SLC6A18: variants seen among roughly 807,000 people sequenced by gnomAD.
SLC6A18 encodes solute carrier family 6 member 18.
A neutral mutation model predicts 62.9 loss-of-function variants in SLC6A18; 58 were observed. That is an observed-to-expected ratio of 0.92 (90% confidence interval 0.75 to 1.15). The LOEUF (loss-of-function observed/expected upper bound fraction) is 1.15. SLC6A18 is among the 50% of genes most tolerant of loss of function. The pLI, the probability that SLC6A18 is intolerant of heterozygous loss-of-function variation, is 0.00. For synonymous variants in SLC6A18, 382 were observed against 365.8 expected (o/e 1.04, Z -0.51); for missense variants, 793 against 836.6 (o/e 0.95, Z 0.64).
At chr5:1,234,101 CTTGAACCCT>C (rs1039638867) in intron 3 of SLC6A18, among the ~76,000 whole-genome samples, 34 of 152,138 alleles carry the variant, frequency 2.2e-4, no homozygotes, top group African/African-American at 8.0e-4. Flanking sequence ...CCAGGATGAT[CTTGAACCCT>C]TGGGTTCAAG....
rs777309236 is a variant in SLC6A18 at position 1,246,048 on chromosome 5, G to A, written c.1857G>A (p.Thr619=). ...CGGACACGGACACGCGCCCAGACAC[G>A]GACATGCGCCCGGACACGGACATGC... The part of the protein sequence containing the change: ...MRPDTDTRPD[T]DMRPDTDMR Residue 619 remains threonine (T), a synonymous_variant, in exon 12 of 12, where the codon ACG becomes ACA. Coordinates refer to ENST00000324642, the MANE Select transcript of SLC6A18 (RefSeq NM_182632.3). The A allele has an allele frequency of 3.8e-6, 6 of 1,590,038 alleles. No homozygotes were observed. The highest frequency in any genetic ancestry group is 1.4e-5 in the African/African-American group (1 of 73,868).
intron 3 of SLC6A18, among the ~76,000 whole-genome samples, chr5:1,233,893 C>T (rs371502418): frequency 1.7e-4 from 26 of 152,224 alleles, no homozygotes; most frequent in Admixed American, 3.3e-4. Flanking sequence ...AGGCGCCTGC[C>T]ACCAGGCCTG....
At chr5:1,240,793 G>A (rs1747036430) in intron 7 of SLC6A18, 134 bp downstream of exon 7, 1 of 1,261,278 alleles carries the variant, frequency 7.9e-7, no homozygotes, top group Admixed American at 2.5e-5. Flanking sequence ...AGTGAATGGT[G>A]TCCCCAGAAG....
At chr5:1,236,056 C>T (rs1468515711) in intron 4 of SLC6A18, among the ~76,000 whole-genome samples, 3 of 152,152 alleles carry the variant, frequency 2.0e-5, no homozygotes, top group Non-Finnish European at 2.9e-5. Context: ...GTGTTTAGAG[C>T]ATTTACATTT....
Position 1,232,772 on chromosome 5 carries a change from C to G in SLC6A18, c.323C>G (p.Ser108Cys), listed in dbSNP as rs750452883. The G allele has an allele frequency of 1.2e-6, 2 of 1,613,288 alleles. No individual in the cohort carries two copies. The highest frequency in any genetic ancestry group is 1.3e-5 in the African/African-American group (1 of 74,948). ...SGVGLGCVTL[S>C]FLISLYYNTI... is the part of the protein sequence containing the mutation. ...ACAGGGCTGGGCTGTGTCACGCTGTCCTTCCTGATCAGCCTGTACTACAAC... is the reference window on the plus strand; with the variant it reads ...ACAGGGCTGGGCTGTGTCACGCTGTGCTTCCTGATCAGCCTGTACTACAAC... Residue 108 changes from serine (S) to cysteine (C), a missense_variant, in exon 3 of 12, where the codon TCC becomes TGC. By Grantham distance (112) the Ser-to-Cys change is moderately radical (BLOSUM62 -1). Coordinates refer to ENST00000324642, the MANE Select transcript of SLC6A18 (RefSeq NM_182632.3).
intron 1 of SLC6A18, among the ~76,000 whole-genome samples, chr5:1,227,116 ACGCCTTGCCCG>A (rs1561173468): frequency 7.4e-6 from 1 of 136,054 alleles, no homozygotes; most frequent in Non-Finnish European, 1.6e-5. Flanking sequence ...TTGCCCGCCG[ACGCCTTGCCCG>A]TCGATGCCTT....
chr5:1,243,665 G>A lies in SLC6A18; in HGVS notation c.1242G>A (p.Gly414=). ...TCTTCGGGATGCTGTTCACCTTGGG[G>A]CTATCGACCATGTTCGGGACCGTGG... ...MLFFGMLFTL[G]LSTMFGTVEA... is the part of the protein sequence containing the mutation. Residue 414 remains glycine (G), a synonymous_variant, in exon 9 of 12, where the codon GGG becomes GGA. Transcript: ENST00000324642. This position sits in a 1 kb window ranked among gnomAD's most constrained non-coding sequence, Gnocchi z 6.5. 6.2e-7 allele frequency: 1 copy of A among 1,614,092 alleles called. No homozygotes were observed. Among genetic ancestry groups the A allele is most frequent in the African/African-American group, 1.3e-5 (1 of 75,056 alleles).
chr5:1,229,625 C>T (rs1489475075), intron 1 of SLC6A18, among the ~76,000 whole-genome samples: 1 of 152,222 alleles, frequency 6.6e-6, no homozygotes, highest in East Asian at 1.9e-4. Flanking sequence ...GCCCACGCCA[C>T]CCACATCTGT....
In SLC6A18 at chr5:1,243,091, G is replaced by A. The variant is rs1747107750; in HGVS notation, c.1131+228G>A. 6.6e-6 allele frequency among the ~76,000 whole-genome samples: 1 copy of A among 152,230 alleles called. No homozygotes were observed. Among genetic ancestry groups the A allele is most frequent in the South Asian group, 2.1e-4 (1 of 4,834 alleles). On this transcript the variant is annotated intron_variant, in intron 8 of 11. Coordinates refer to ENST00000324642, the MANE Select transcript of SLC6A18 (RefSeq NM_182632.3). This position sits in a 1 kb window ranked among gnomAD's most constrained non-coding sequence, Gnocchi z 6.5. Reference sequence around the variant, plus strand: ...AGCAGACGCTGCACCCAGCAGTCTTGGGGGTTGGGCTGACCCGAGAGAGTG... The same window carrying A: ...AGCAGACGCTGCACCCAGCAGTCTTAGGGGTTGGGCTGACCCGAGAGAGTG...
Position 1,244,682 on chromosome 5 carries a change from G to C in SLC6A18, c.1571G>C (p.Ser524Thr). Residue 524 changes from serine (S) to threonine (T), a missense_variant, in exon 11 of 12, where the codon AGT (serine) becomes ACT (threonine). Physicochemically the swap from Ser to Thr is moderately conservative, Grantham distance 58 (BLOSUM62 1). Coordinates refer to ENST00000324642, the MANE Select transcript of SLC6A18 (RefSeq NM_182632.3). ...TGGCGGCTGACCTGGAGGGTGGTCA[G>C]TCCCCTGCTGCTGACCATCTTTGTG... ...PYWRLTWRVV[S>T]PLLLTIFVAY... 2 of 1,613,196 alleles carry C rather than the reference G, an allele frequency of 1.2e-6. No individual in the cohort carries two copies. The highest frequency in any genetic ancestry group is 1.7e-6 in the Non-Finnish European group (2 of 1,179,398).
At position 1,241,585 on chromosome 5, in the gene SLC6A18, G is replaced by T. The variant is rs139491957; in HGVS notation, c.974+926G>T. Among the ~76,000 whole-genome samples the T allele has an allele frequency of 1.3e-5, 2 of 152,234 alleles. No homozygotes were observed. Among genetic ancestry groups the T allele is most frequent in the Non-Finnish European group, 2.9e-5 (2 of 68,020 alleles). On this transcript the variant is annotated intron_variant, in intron 7 of 11. Transcript: ENST00000324642. This position sits in a 1 kb window ranked among gnomAD's most constrained non-coding sequence, Gnocchi z 7.8. ...TCAACGGGGACGTCACCAAGAAAAC[G>T]CACACAAAAGTGGAAAACATGGCAC...
At chr5:1,230,641 C>T (rs1270928820) in intron 1 of SLC6A18, among the ~76,000 whole-genome samples, 1 of 152,208 alleles carries the variant, frequency 6.6e-6, no homozygotes, top group Admixed American at 6.5e-5. Context: ...AAACCCAGAG[C>T]AAGGCTGTGT....
intron 6 of SLC6A18, among the ~76,000 whole-genome samples, chr5:1,240,165 G>A (rs1249965223): frequency 6.6e-6 from 1 of 152,236 alleles, no homozygotes; most frequent in Non-Finnish European, 1.5e-5. Context: ...TTACTTCCTT[G>A]AACTCACACT....
chr5:1,226,128 G>C (rs1019891743), intron 1 of SLC6A18, among the ~76,000 whole-genome samples: 2 of 152,194 alleles, frequency 1.3e-5, no homozygotes, highest in African/African-American at 4.8e-5. Flanking sequence ...CCCTGGCTTT[G>C]GTTCTCTGGG....
At chr5:1,231,913 A>G (rs1746739648) in intron 1 of SLC6A18, among the ~76,000 whole-genome samples, 1 of 152,162 alleles carries the variant, frequency 6.6e-6, no homozygotes, top group Non-Finnish European at 1.5e-5. Context: ...GTCCCTCAGC[A>G]AACGCAACAC....
chr5:1,232,075 A>G, intron 1 of SLC6A18, 144 bp from the exon 2 acceptor site: 1 of 710,858 alleles, frequency 1.4e-6, no homozygotes, highest in Non-Finnish European at 2.3e-6. Context: ...CAGTGCCCCA[A>G]GGGTGTCTCC....
chr5:1,238,136 C>T, intron 5 of SLC6A18, 76 bp downstream of exon 5: 1 of 1,179,660 alleles, frequency 8.5e-7, no homozygotes, highest in Non-Finnish European at 1.3e-6. Flanking sequence ...CTCCCTCCCT[C>T]ACCTGGGAGC....
At chr5:1,235,991 T>C (rs1746874544) in intron 4 of SLC6A18, among the ~76,000 whole-genome samples, 2 of 152,370 alleles carry the variant, frequency 1.3e-5, no homozygotes, top group East Asian at 3.9e-4. Context: ...GTAGACAGCA[T>C]ACAATTGGAT....
intron 6 of SLC6A18, among the ~76,000 whole-genome samples, chr5:1,240,121 G>A (rs1327499133): frequency 5.9e-5 from 9 of 152,248 alleles, no homozygotes; most frequent in East Asian, 1.9e-4. Flanking sequence ...CAGCTGGGAC[G>A]CCAGGGAAGC....
Sources: gnomAD v4.1 joint callset for allele counts (sites outside exome capture counted in the v4.1 genomes callset) on GRCh38, gnomAD v4.1.1 for gene constraint, Gnocchi (gnomAD v3.1) non-coding constraint, MANE v1.5 for transcripts, NCBI Gene and HGNC (gene_info 2026-07-23, HGNC 2026-07-21) for gene names.